ENY2: variants seen among roughly 807,000 people sequenced by gnomAD.
ENY2 encodes transcription and mRNA export factor ENY2.
ENY2 carries 4 observed loss-of-function variants against 15.9 expected under a neutral mutation model. The ratio of observed to expected loss-of-function variants is 0.25; its 90% confidence interval spans 0.12 to 0.57. The LOEUF is 0.57. Among genes scored for constraint, ENY2 ranks in the 20% least tolerant of loss-of-function variants. The probability of loss-of-function intolerance (pLI) is 0.91; values close to 1 mark genes in which losing one functional copy is unlikely to be tolerated. For synonymous variants in ENY2, 48 were observed against 38.0 expected, an observed-to-expected ratio of 1.26 and a Z score of -0.97; for missense variants, 54 against 117.2, an observed-to-expected ratio of 0.46 and a Z score of 2.49.
At chr8:109,340,219 T>A (rs1816084019) in intron 3 of ENY2, 3 of 400,840 alleles carry the variant, frequency 7.5e-6, no homozygotes, top group Non-Finnish European at 1.4e-5. Flanking sequence ...ATTTTACAGA[T>A]GTTAGATTTG....
At chr8:109,339,917 A>G (rs1000510377) in intron 3 of ENY2, among the ~76,000 whole-genome samples, 4 of 152,202 alleles carry the variant, frequency 2.6e-5, no homozygotes, top group Non-Finnish European at 4.4e-5. Context: ...TTTTTAATGA[A>G]TCCCCATTGT....
rs1014407989 is a variant in ENY2, at chr8:109,343,733, G to A, written c.*252G>A. 1.9e-5 allele frequency: 8 copies of A among 410,486 alleles called. No homozygotes were observed. Among genetic ancestry groups the A allele is most frequent in the Non-Finnish European group, 3.5e-5 (8 of 230,458 alleles). The allele number at this position is 410,486 out of a possible 1,614,324, so 25.4% of individuals were successfully genotyped here. A position where few individuals can be genotyped will look rare whatever the true frequency, so the allele number is the denominator to read the frequency against. The stretch of plus-strand genomic sequence containing the variant: ...TTATTACTAATTCACCAAATTTGTT[G>A]AGCGCAAAAGCAATTAATGTAGTTT... On this transcript the variant is annotated 3_prime_UTR_variant, in exon 5 of 5. Transcript: ENST00000521688.
intron 2 of ENY2, among the ~76,000 whole-genome samples, chr8:109,337,118 G>C (rs1413346245): frequency 6.7e-6 from 1 of 148,468 alleles, no homozygotes; most frequent in Non-Finnish European, 1.5e-5. Flanking sequence ...TACACTTTAG[G>C]AATCTTACTC....
Position 109,345,045 on chromosome 8 carries a change from C to A in ENY2, c.*1564C>A, listed in dbSNP as rs1236089451. The A allele has an allele frequency of 6.6e-6, 1 of 152,162 alleles. No homozygotes were observed. The highest frequency in any genetic ancestry group is 6.5e-5 in the Admixed American group (1 of 15,280). 9.4% of individuals were successfully genotyped at this position (152,162 alleles called of 1,614,324 possible). On this transcript the variant is annotated 3_prime_UTR_variant, in exon 5 of 5. Coordinates refer to ENST00000521688, the MANE Select transcript of ENY2 (RefSeq NM_020189.6). ...AATCCCCACTATGAAGTTGTTTCAT[C>A]CGTAAGTACCTTTGAACCCAGAAGC...
At chr8:109,341,866 C>T (rs1042813695) in intron 4 of ENY2, among the ~76,000 whole-genome samples, 1 of 152,120 alleles carries the variant, frequency 6.6e-6, no homozygotes, top group Non-Finnish European at 1.5e-5. Flanking sequence ...CAAAACCTCC[C>T]TCATGGTATT....
At chr8:109,341,003 T>C (rs925730538) in intron 4 of ENY2, among the ~76,000 whole-genome samples, 2 of 152,170 alleles carry the variant, frequency 1.3e-5, no homozygotes, top group African/African-American at 2.4e-5. Context: ...AAGAATTTGG[T>C]AGCTCCATGA....
chr8:109,339,371 G>T lies in ENY2; in HGVS notation c.135G>T (p.Gln45His). The T allele has an allele frequency of 6.2e-7, 1 of 1,613,876 alleles. No homozygotes were observed. The highest frequency in any genetic ancestry group is 8.5e-7 in the Non-Finnish European group (1 of 1,179,832). Residue 45 changes from glutamine (Q) to histidine (H), a missense_variant, in exon 3 of 5, where the codon CAG becomes CAT. Coordinates refer to ENST00000521688, the MANE Select transcript of ENY2 (RefSeq NM_020189.6). ...AKLIECGWKDQLKAHCKEVIK... is the reference protein window; with the variant it reads ...AKLIECGWKDHLKAHCKEVIK... ...TAATTGAATGTGGCTGGAAGGATCA[G>T]TTGAAGGCACACTGTAAAGGTAATC...
In ENY2 at chr8:109,344,064, GA is replaced by G. The variant is rs1816179830; in HGVS notation, c.*585del. The G allele has an allele frequency of 6.6e-6, 1 of 152,148 alleles. No individual in the cohort carries two copies. Among genetic ancestry groups the G allele is most frequent in the South Asian group, 2.1e-4 (1 of 4,830 alleles). 9.4% of individuals were successfully genotyped at this position (152,148 alleles called of 1,614,324 possible). ...TCTACTCATCTGAACTTTGAATGCA[GA>G]ATCTTTAAATTGCAACCCCACATAC... On this transcript the variant is annotated 3_prime_UTR_variant, in exon 5 of 5. Transcript: ENST00000521688.
chr8:109,338,956 G>C (rs1030746922), intron 2 of ENY2: 1 of 186,354 alleles, frequency 5.4e-6, no homozygotes, highest in African/African-American at 2.3e-5. Flanking sequence ...TCGAGGTGCA[G>C]CTGCTCCAGG....
rs1816172867 is a variant in ENY2, at chr8:109,343,743, G to A, written c.*262G>A. ...TTCACCAAATTTGTTGAGCGCAAAA[G>A]CAATTAATGTAGTTTAAGTATTTAG... On this transcript the variant is annotated 3_prime_UTR_variant, in exon 5 of 5. Transcript: ENST00000521688. 5.1e-6 allele frequency: 2 copies of A among 390,292 alleles called. No homozygotes were observed. The highest frequency in any genetic ancestry group is 9.8e-5 in the East Asian group (2 of 20,362). The allele number at this position is 390,292 out of a possible 1,614,324, so 24.2% of individuals were successfully genotyped here.
At chr8:109,340,423 C>G (rs771227077) in intron 3 of ENY2, 66 bp from the exon 4 acceptor site, 13 of 1,592,880 alleles carry the variant, frequency 8.2e-6, no homozygotes, top group South Asian at 1.1e-5. Context: ...AACCCTTCCT[C>G]TATGAAAATC....
chr8:109,343,284 T>A, intron 4 of ENY2, 121 bp from the exon 5 acceptor site: 1 of 673,454 alleles, frequency 1.5e-6, no homozygotes, highest in South Asian at 2.8e-5. Context: ...TTTTTTTAAT[T>A]GAACATGAGG....
Position 109,344,630 on chromosome 8 carries a change from A to T in ENY2, c.*1149A>T, listed in dbSNP as rs1816196682. 2 of 152,182 alleles carry T rather than the reference A, an allele frequency of 1.3e-5. No individual in the cohort carries two copies. 9.4% of individuals were successfully genotyped at this position (152,182 alleles called of 1,614,324 possible). A position where few individuals can be genotyped will look rare whatever the true frequency, so the allele number is the denominator to read the frequency against. ...ATGGTACCTCCTAGCTATATAGATT[A>T]TCTGAGGAGCTTACTGAAATGCTGA... On this transcript the variant is annotated 3_prime_UTR_variant, in exon 5 of 5. Transcript: ENST00000521688.
chr8:109,334,575 C>A, intron 1 of ENY2, 101 bp downstream of exon 1: 1 of 1,394,528 alleles, frequency 7.2e-7, no homozygotes, highest in Non-Finnish European at 9.5e-7. Flanking sequence ...CGCTCGCGGG[C>A]CTGTAGGGCT....
rs139606756 is a variant in ENY2 at position 109,343,060 on chromosome 8, T to C, written c.230-345T>C. Among the ~76,000 whole-genome samples the C allele has an allele frequency of 1.8e-3, 273 of 152,330 alleles. 1 individual carries two copies. Among genetic ancestry groups the C allele is most frequent in the African/African-American group, 6.3e-3 (262 of 41,580 alleles). On this transcript the variant is annotated intron_variant, in intron 4 of 4. Transcript: ENST00000521688. The stretch of plus-strand genomic sequence containing the variant: ...TCAGTTTTTATCTTTTGGCCTTGCT[T>C]ATGGTGATTTTTCATTCAGCATAAA...
rs770148022 is a variant in ENY2 at position 109,334,359 on chromosome 8, G to T, written c.-110G>T. ...GTTCTAGCTTTCTGTGTGCTTAGGT[G>T]CCCGAGCTACTGAGGGTCTAAGTCC... On this transcript the variant is annotated 5_prime_UTR_variant, in exon 1 of 5. Transcript: ENST00000521688. The T allele has an allele frequency of 2.2e-5, 33 of 1,515,618 alleles. No individual in the cohort carries two copies. Among genetic ancestry groups the T allele is most frequent in the Non-Finnish European group, 3.0e-5 (33 of 1,101,370 alleles). 93.9% of individuals were successfully genotyped at this position (1,515,618 alleles called of 1,614,324 possible).
At chr8:109,337,458 C>T (rs1303368910) in intron 2 of ENY2, among the ~76,000 whole-genome samples, 2 of 151,278 alleles carry the variant, frequency 1.3e-5, no homozygotes, top group Non-Finnish European at 2.9e-5. Flanking sequence ...CAGTAGTAGA[C>T]AAAAATGGAG....
At position 109,334,381 on chromosome 8, in the gene ENY2, GT is replaced by G; in HGVS notation, c.-87del. ...GGTGCCCGAGCTACTGAGGGTCTAA[GT>G]CCGGGCAGCCGAAGAGTGTGGTAGG... On this transcript the variant is annotated 5_prime_UTR_variant, in exon 1 of 5. Transcript: ENST00000521688. The G allele has an allele frequency of 1.3e-6, 2 of 1,598,782 alleles. No homozygotes were observed. The highest frequency in any genetic ancestry group is 2.2e-5 in the South Asian group (2 of 89,622).
intron 4 of ENY2, among the ~76,000 whole-genome samples, chr8:109,342,460 A>T (rs1026029863): frequency 2.0e-5 from 3 of 149,778 alleles, no homozygotes; most frequent in Non-Finnish European, 4.4e-5. Flanking sequence ...ATGTTTATAT[A>T]GTTTATGTAT....
Sources: gnomAD v4.1 joint callset for allele counts (sites outside exome capture counted in the v4.1 genomes callset) on GRCh38, gnomAD v4.1.1 for gene constraint, MANE v1.5 for transcripts, NCBI Gene and HGNC (gene_info 2026-07-23, HGNC 2026-07-21) for gene names.